Variants in FOCAD observed in about 807,000 individuals in gnomAD.
FOCAD encodes focadhesin.
In FOCAD, 198 loss-of-function variants were observed where a neutral mutation model predicts 225.6. The ratio of observed to expected loss-of-function variants is 0.88; its 90% CI spans 0.78 to 0.99. The LOEUF (loss-of-function observed/expected upper bound fraction) is 0.99, where lower values mean the gene tolerates loss of function less well. Among genes scored for constraint, FOCAD ranks in the 50% least tolerant of loss-of-function variants. FOCAD has a pLI of 0.00. For synonymous variants in FOCAD, 897 were observed against 755.0 expected, an observed-to-expected ratio of 1.19 and a Z score of -3.08; for missense variants, 2,713 against 2,123.6, an observed-to-expected ratio of 1.28 and a Z score of -5.46.
At chr9:20,702,744 A>G (rs897163709) in intron 1 of FOCAD, among the ~76,000 whole-genome samples, 6 of 152,020 alleles carry the variant, frequency 3.9e-5, no homozygotes, top group African/African-American at 1.5e-4. Context: ...CTGAGCTCCT[A>G]TTTCCTCCTG....
intron 2 of FOCAD, among the ~76,000 whole-genome samples, chr9:20,664,768 T>C (rs1821846638): frequency 6.6e-6 from 1 of 151,944 alleles, no homozygotes; most frequent in South Asian, 2.1e-4. Context: ...CGTGAGCCAT[T>C]GTGCCCGGCC....
At position 20,917,851 on chromosome 9, in the gene FOCAD, A is replaced by G. The variant is rs183414768; in HGVS notation, c.2852+914A>G. 4.0e-3 allele frequency among the ~76,000 whole-genome samples: 603 copies of G among 152,322 alleles called. 4 individuals are homozygous for G. The highest frequency in any genetic ancestry group is 0.014 in the African/African-American group (576 of 41,580). ...TAGCTTTCTATCAATAATTTCTTAA[A>G]CAGACACTTAACTGTGAAGTCTGAT... On this transcript the variant is annotated intron_variant, in intron 24 of 43. Transcript: ENST00000338382.
chr9:20,816,242 A>G (rs1321994318), intron 11 of FOCAD, among the ~76,000 whole-genome samples: 2 of 152,178 alleles, frequency 1.3e-5, no homozygotes, highest in Non-Finnish European at 2.9e-5. Flanking sequence ...AGTTTATAAA[A>G]TGTCAGTAAA....
At chr9:20,753,619 G>T (rs201950262) in intron 5 of FOCAD, among the ~76,000 whole-genome samples, 26 of 151,802 alleles carry the variant, frequency 1.7e-4, no homozygotes, top group African/African-American at 5.3e-4. Context: ...GTCTAAAATT[G>T]TCTTTTTTGG....
intron 35 of FOCAD, among the ~76,000 whole-genome samples, chr9:20,960,352 G>C (rs1838589993): frequency 6.6e-6 from 1 of 152,180 alleles, no homozygotes; most frequent in Non-Finnish European, 1.5e-5. Flanking sequence ...CTCCACTGGG[G>C]TGGTGAGCTT....
At chr9:20,769,961 T>G in intron 7 of FOCAD, 71 bp from the exon 8 acceptor site, 1 of 1,399,134 alleles carries the variant, frequency 7.1e-7, no homozygotes. Flanking sequence ...TGTTCAAAGC[T>G]TTTTGTGTAC....
upstream of FOCAD, among the ~76,000 whole-genome samples, chr9:20,658,094 G>A (rs901747556): frequency 6.7e-6 from 1 of 150,202 alleles, no homozygotes; most frequent in Non-Finnish European, 1.5e-5. Flanking sequence ...CTGCTCAGGG[G>A]TCAGGGGTCA....
intron 1 of FOCAD, among the ~76,000 whole-genome samples, chr9:20,707,762 C>A (rs920895041): frequency 2.6e-5 from 4 of 152,034 alleles, no homozygotes; most frequent in Non-Finnish European, 4.4e-5. Context: ...ATAAGTGGAC[C>A]TTTTCTCAAG....
At chr9:20,813,417 T>G (rs1466305903) in intron 11 of FOCAD, among the ~76,000 whole-genome samples, 1 of 152,146 alleles carries the variant, frequency 6.6e-6, no homozygotes, top group East Asian at 1.9e-4. Flanking sequence ...AAATTTTTTT[T>G]GAGGAACCTT....
At chr9:20,971,406 A>G (rs1839750190) in intron 35 of FOCAD, among the ~76,000 whole-genome samples, 1 of 152,064 alleles carries the variant, frequency 6.6e-6, no homozygotes, top group Non-Finnish European at 1.5e-5. Flanking sequence ...ATAAGTACAC[A>G]ATGTAAAATT....
rs773782642 is a variant in FOCAD, at chr9:20,990,369, C to A, written c.5251C>A (p.Gln1751Lys). ...LQKEPWKEQT[Q>K]KFIDWLFSIM... ...GAAAGAGCCATGGAAGGAACAGACCCAGAAGGTGAGGCTGGCAGCCACCTG... is the reference window on the plus strand; with the variant it reads ...GAAAGAGCCATGGAAGGAACAGACCAAGAAGGTGAGGCTGGCAGCCACCTG... Residue 1751 changes from glutamine (Q) to lysine (K), a missense_variant, in exon 42 of 44, where the codon CAG (glutamine) becomes AAG (lysine). Gln to Lys is a moderately conservative substitution (Grantham distance 53). Coordinates refer to ENST00000338382, the MANE Select transcript of FOCAD (RefSeq NM_001375567.1). 6.2e-7 allele frequency: 1 copy of A among 1,613,260 alleles called. No homozygotes were observed.
intron 3 of FOCAD, among the ~76,000 whole-genome samples, chr9:20,719,995 T>C (rs1480255566): frequency 6.6e-6 from 1 of 152,156 alleles, no homozygotes; most frequent in Non-Finnish European, 1.5e-5. Context: ...TGAAGGCTTA[T>C]GGCATAAATA....
chr9:20,723,092 C>T (rs1255871921), intron 4 of FOCAD, among the ~76,000 whole-genome samples: 1 of 152,136 alleles, frequency 6.6e-6, no homozygotes, highest in East Asian at 1.9e-4. Context: ...TTCTTCCTCC[C>T]TATTGTAAAT....
At chr9:20,922,369 A>G (rs1049597845) in intron 24 of FOCAD, among the ~76,000 whole-genome samples, 2 of 152,162 alleles carry the variant, frequency 1.3e-5, no homozygotes, top group African/African-American at 2.4e-5. Flanking sequence ...CAAAATGATC[A>G]AGGCTTCAAG....
At position 20,859,415 on chromosome 9, in the gene FOCAD, T is replaced by C. The variant is rs560532486; in HGVS notation, c.1921-3163T>C. ...AAAAAAGAAAGAAAGAAAATATTAT[T>C]CTCAATTGTTCCTTTGCAGGTAGTC... On this transcript the variant is annotated intron_variant, in intron 15 of 43. Coordinates refer to ENST00000338382, the MANE Select transcript of FOCAD (RefSeq NM_001375567.1). Among the ~76,000 whole-genome samples the C allele has an allele frequency of 2.0e-5, 3 of 151,094 alleles. No individual in the cohort carries two copies. The South Asian group carries it at 6.2e-4, about 31-fold the overall frequency.
At chr9:20,895,895 T>G (rs1311983319) in intron 21 of FOCAD, among the ~76,000 whole-genome samples, 1 of 151,918 alleles carries the variant, frequency 6.6e-6, no homozygotes, top group African/African-American at 2.4e-5. Context: ...TAGAAAGGAT[T>G]TCCAGTATGA....
chr9:20,765,172 C>T (rs1030775917), intron 7 of FOCAD, 99 bp downstream of exon 7: 2 of 1,029,022 alleles, frequency 1.9e-6, no homozygotes, highest in African/African-American at 3.2e-5. Flanking sequence ...ATTTGGCAAA[C>T]TCAGACATGA....
At chr9:20,861,828 A>T (rs1275129182) in intron 15 of FOCAD, among the ~76,000 whole-genome samples, 1 of 152,178 alleles carries the variant, frequency 6.6e-6, no homozygotes, top group Non-Finnish European at 1.5e-5. Flanking sequence ...TAACATTTTC[A>T]TAAAACATCT....
At chr9:20,658,132 C>G (rs565971583), upstream of FOCAD, among the ~76,000 whole-genome samples, 456 of 151,090 alleles carry the variant, frequency 3.0e-3, 2 homozygotes, top group East Asian at 0.017. Context: ...GCAGTCTGCC[C>G]GTTCTCAGAT....
Sources: gnomAD v4.1 joint callset for allele counts (sites outside exome capture counted in the v4.1 genomes callset) on GRCh38, gnomAD v4.1.1 for gene constraint, MANE v1.5 for transcripts, NCBI Gene and HGNC (gene_info 2026-07-23, HGNC 2026-07-21) for gene names.